Variants in TUBD1 observed in about 807,000 individuals in gnomAD.
TUBD1 encodes the protein tubulin delta 1, also known as tubulin delta chain.
In TUBD1, 38 loss-of-function variants were observed where a neutral mutation model predicts 51.2. The observed-to-expected ratio is 0.74, with a 90% confidence interval of 0.57 to 0.97. The LOEUF (loss-of-function observed/expected upper bound fraction) is 0.97. Among genes scored for constraint, TUBD1 ranks in the 50% least tolerant of loss-of-function variants. The pLI is 0.00. For synonymous variants in TUBD1, 169 were observed against 178.2 expected, an observed-to-expected ratio of 0.95 and a Z score of 0.41; for missense variants, 489 against 538.4, an observed-to-expected ratio of 0.91 and a Z score of 0.91.
At chr17:59,889,435 G>C (rs1344059767) in intron 2 of TUBD1, among the ~76,000 whole-genome samples, 2 of 151,406 alleles carry the variant, frequency 1.3e-5, no homozygotes, top group Non-Finnish European at 2.9e-5. Context: ...GGGAAGCTGA[G>C]GTGGGCAGAT....
At chr17:59,892,504 T>TG (rs2041156826) in intron 1 of TUBD1, among the ~76,000 whole-genome samples, 193 bp downstream of exon 1, 1 of 152,336 alleles carries the variant, frequency 6.6e-6, no homozygotes, top group Admixed American at 6.5e-5. Context: ...CCGTGGGTTG[T>TG]GAGACAGACT....
chr17:59,863,249 C>G (rs1287242539), intron 8 of TUBD1, among the ~76,000 whole-genome samples: 1 of 152,146 alleles, frequency 6.6e-6, no homozygotes, highest in East Asian at 1.9e-4. Context: ...ACCTTCACAC[C>G]TACAAAGTAG....
intron 6 of TUBD1, among the ~76,000 whole-genome samples, chr17:59,873,562 C>T (rs1048303695): frequency 3.3e-5 from 5 of 152,044 alleles, no homozygotes; most frequent in African/African-American, 4.8e-5. Flanking sequence ...ATTACTTGAC[C>T]TTTTAAAAAA....
At chr17:59,861,980 T>G (rs1426559462) in intron 8 of TUBD1, among the ~76,000 whole-genome samples, 1 of 151,136 alleles carries the variant, frequency 6.6e-6, no homozygotes, top group Non-Finnish European at 1.5e-5. Flanking sequence ...TGGGGTTTTA[T>G]GGAATGGTCA....
intron 7 of TUBD1, among the ~76,000 whole-genome samples, chr17:59,864,090 A>T (rs4968399): frequency 6.6e-6 from 1 of 152,076 alleles, no homozygotes. Context: ...AAAAATAAAA[A>T]ATATTAGCTG....
At chr17:59,886,313 G>C in intron 2 of TUBD1, 83 bp from the exon 3 acceptor site, 1 of 1,201,708 alleles carries the variant, frequency 8.3e-7, no homozygotes, top group Non-Finnish European at 1.1e-6. Context: ...GCATCTAAGT[G>C]TCCAAATCCA....
chr17:59,868,862 T>G lies in TUBD1; in HGVS notation c.935-2113A>C, dbSNP rs1189756673. Among the ~76,000 whole-genome samples the G allele has an allele frequency of 9.3e-5, 14 of 150,258 alleles. 1 individual carries two copies. In the East Asian group the frequency reaches 2.7e-3, roughly 29 times the overall value. On this transcript the variant is annotated intron_variant, in intron 6 of 8. Transcript: ENST00000325752. ...AAAAATAAATAAATAAATAAATAAA[T>G]AAGAAAATTAGTCACTTATGGTGGT...
At chr17:59,886,293 G>T (rs2040721595) in intron 2 of TUBD1, 63 bp from the exon 3 acceptor site, 1 of 1,464,844 alleles carries the variant, frequency 6.8e-7, no homozygotes, top group Non-Finnish European at 9.1e-7. Flanking sequence ...TCTTATTTGG[G>T]TAACTCAGAG....
At chr17:59,878,951 C>T (rs1436491613) in intron 4 of TUBD1, among the ~76,000 whole-genome samples, 2 of 152,124 alleles carry the variant, frequency 1.3e-5, no homozygotes, top group Admixed American at 6.6e-5. Context: ...GTTTCTTCAG[C>T]TAGGTTGATC....
At chr17:59,861,814 C>T (rs928930421) in intron 8 of TUBD1, among the ~76,000 whole-genome samples, 1 of 151,252 alleles carries the variant, frequency 6.6e-6, no homozygotes, top group African/African-American at 2.4e-5. Context: ...ATTACAGGTG[C>T]CCGCCACCAC....
chr17:59,883,743 G>C (rs1293226124), intron 3 of TUBD1, among the ~76,000 whole-genome samples: 6 of 151,900 alleles, frequency 3.9e-5, no homozygotes, highest in Middle Eastern at 3.2e-3. Context: ...CGTAGCGATA[G>C]GGCCTCCCTT....
chr17:59,867,324 T>A (rs1039224665), intron 6 of TUBD1, among the ~76,000 whole-genome samples: 6 of 152,084 alleles, frequency 3.9e-5, no homozygotes, highest in Non-Finnish European at 8.8e-5. Flanking sequence ...GCATCATTTT[T>A]CCTGTTTAAA....
At chr17:59,872,655 TGA>T (rs750531634) in intron 6 of TUBD1, among the ~76,000 whole-genome samples, 15 of 118,234 alleles carry the variant, frequency 1.3e-4, no homozygotes, top group South Asian at 5.3e-4. Flanking sequence ...AGTATGTGTG[TGA>T]GTGTGCACAT....
chr17:59,862,873 C>T (rs951728895), intron 8 of TUBD1, among the ~76,000 whole-genome samples: 4 of 151,624 alleles, frequency 2.6e-5, no homozygotes, highest in Non-Finnish European at 4.4e-5. Context: ...TACAGGCGCC[C>T]GCTACCACGC....
At chr17:59,861,857 G>A (rs555825240) in intron 8 of TUBD1, among the ~76,000 whole-genome samples, 12 of 151,180 alleles carry the variant, frequency 7.9e-5, no homozygotes, top group East Asian at 6.0e-4. Context: ...TAGTAGAGAC[G>A]GGGTTTCACC....
At chr17:59,880,723 C>G (rs1213147222) in intron 4 of TUBD1, among the ~76,000 whole-genome samples, 171 bp downstream of exon 4, 2 of 151,868 alleles carry the variant, frequency 1.3e-5, no homozygotes, top group African/African-American at 4.8e-5. Context: ...ACCATGTTAG[C>G]CGGGATGGTC....
At chr17:59,887,962 T>A (rs1164321437) in intron 2 of TUBD1, among the ~76,000 whole-genome samples, 3 of 148,490 alleles carry the variant, frequency 2.0e-5, no homozygotes, top group Non-Finnish European at 3.0e-5. Flanking sequence ...TGAGATGGAG[T>A]CTCGCTCTGT....
At chr17:59,872,522 A>T (rs2040026986) in intron 6 of TUBD1, among the ~76,000 whole-genome samples, 1 of 152,176 alleles carries the variant, frequency 6.6e-6, no homozygotes, top group African/African-American at 2.4e-5. Context: ...AAAAAAATAT[A>T]ATCTATGTAC....
At chr17:59,867,751 G>A (rs948931361) in intron 6 of TUBD1, among the ~76,000 whole-genome samples, 2 of 152,036 alleles carry the variant, frequency 1.3e-5, no homozygotes, top group African/African-American at 4.8e-5. Context: ...CTAATGGGAT[G>A]TAACTTTTGG....
Sources: gnomAD v4.1 joint callset for allele counts (sites outside exome capture counted in the v4.1 genomes callset) on GRCh38, gnomAD v4.1.1 for gene constraint, MANE v1.5 for transcripts, NCBI Gene and HGNC (gene_info 2026-07-23, HGNC 2026-07-21) for gene names.